ZC3H7A: variants seen among roughly 807,000 people sequenced by gnomAD.
ZC3H7A encodes the protein zinc finger CCCH-type containing 7A, also known as zinc finger CCCH domain-containing protein 7A.
A neutral mutation model predicts 125.5 loss-of-function variants in ZC3H7A; 44 were observed. The ratio of observed to expected loss-of-function variants is 0.35; its 90% CI spans 0.28 to 0.45. ZC3H7A has a LOEUF of 0.45. ZC3H7A is among the 20% of genes least tolerant of loss of function. The pLI is 1.00. For synonymous variants in ZC3H7A, 399 were observed against 391.2 expected, an observed-to-expected ratio of 1.02 and a Z score of -0.23; for missense variants, 977 against 1,170.7, an observed-to-expected ratio of 0.83 and a Z score of 2.41.
Position 11,763,565 on chromosome 16 carries a change from C to A in ZC3H7A, c.1915G>T (p.Val639Phe), listed in dbSNP as rs1320820050. ...QCQLDLCRHE[V>F]RYGCLREDEC... Reference sequence around the variant, plus strand: ...TCTTCCCTTAAACAGCCATACCGAACTTCATGTCGACATAAATCAAGCTGA... The same window carrying A: ...TCTTCCCTTAAACAGCCATACCGAAATTCATGTCGACATAAATCAAGCTGA... Residue 639 changes from valine to phenylalanine, a missense_variant, in exon 16 of 23, where the codon GTT becomes TTT. Around this residue, in one of 3 missense-constraint regions of ZC3H7A, gnomAD observed 436 missense variants for 603.2 expected, o/e 0.72. Coordinates refer to ENST00000355758, the MANE Select transcript of ZC3H7A (RefSeq NM_014153.4). 3.7e-6 allele frequency: 6 copies of A among 1,611,870 alleles called. No homozygotes were observed. The highest frequency in any genetic ancestry group is 5.1e-6 in the Non-Finnish European group (6 of 1,178,994).
At chr16:11,773,614 A>G (rs1314140725) in intron 9 of ZC3H7A, among the ~76,000 whole-genome samples, 1 of 151,812 alleles carries the variant, frequency 6.6e-6, no homozygotes, top group African/African-American at 2.4e-5. Context: ...CGGGCATGGT[A>G]GCTCACGCTT....
intron 1 of ZC3H7A, among the ~76,000 whole-genome samples, chr16:11,794,530 A>G (rs1005887550): frequency 6.6e-6 from 1 of 152,172 alleles, no homozygotes; most frequent in East Asian, 1.9e-4. Context: ...CTGGAGAAAA[A>G]TATTTTCACT....
intron 1 of ZC3H7A, 65 bp downstream of exon 1, chr16:11,797,059 C>CGGGGG (rs755431804): frequency 1.4e-5 from 2 of 143,468 alleles, no homozygotes; most frequent in East Asian, 4.3e-4. Context: ...GCGGCGCGCG[C>CGGGGG]GGGGGGGGCG....
At chr16:11,770,167 A>C (rs1194412351) in intron 10 of ZC3H7A, among the ~76,000 whole-genome samples, 1 of 152,042 alleles carries the variant, frequency 6.6e-6, no homozygotes, top group Non-Finnish European at 1.5e-5. Flanking sequence ...TCTTTAAGTC[A>C]ATCTTTAAGT....
chr16:11,781,446 T>C lies in ZC3H7A; in HGVS notation c.87A>G (p.Pro29=), dbSNP rs749471075. 13 of 1,607,430 alleles carry C rather than the reference T, an allele frequency of 8.1e-6. No homozygotes were observed. The highest frequency in any genetic ancestry group is 4.5e-5 in the East Asian group (2 of 44,840). Residue 29 remains proline, a synonymous_variant, in exon 3 of 23, where the codon CCA becomes CCG. Transcript: ENST00000355758. ...TTACCGCATATTGCTCCTGTGTTCCTGGATATGACAGCGGTGACCTAAGAA... is the reference window on the plus strand; with the variant it reads ...TTACCGCATATTGCTCCTGTGTTCCCGGATATGACAGCGGTGACCTAAGAA... ...LQFIQSPLSY[P]GTQEQYAVYL...
intron 10 of ZC3H7A, among the ~76,000 whole-genome samples, 181 bp downstream of exon 10, chr16:11,770,602 C>T (rs76360216): frequency 0.014 from 2,101 of 152,308 alleles, 27 homozygotes; most frequent in Non-Finnish European, 0.021. Flanking sequence ...TCCTGGGTCT[C>T]CAGAATGGCA....
At chr16:11,769,393 T>C (rs545662172) in intron 10 of ZC3H7A, among the ~76,000 whole-genome samples, 1 of 152,166 alleles carries the variant, frequency 6.6e-6, no homozygotes, top group East Asian at 1.9e-4. Flanking sequence ...TATTCAAAAA[T>C]GGGAAAAGAG....
intron 19 of ZC3H7A, among the ~76,000 whole-genome samples, chr16:11,760,731 C>T (rs1453782702): frequency 1.3e-5 from 2 of 152,180 alleles, no homozygotes; most frequent in African/African-American, 4.8e-5. Flanking sequence ...AGATGCTCTC[C>T]AGACCCTCTC....
At position 11,777,662 on chromosome 16, in the gene ZC3H7A, A is replaced by T. The variant is rs192606433; in HGVS notation, c.307-753T>A. 3.4e-3 allele frequency among the ~76,000 whole-genome samples: 521 copies of T among 152,200 alleles called. 3 individuals are homozygous for T. Among genetic ancestry groups the T allele is most frequent in the South Asian group, 0.021 (99 of 4,826 alleles). On this transcript the variant is annotated intron_variant, in intron 4 of 22. Coordinates refer to ENST00000355758, the MANE Select transcript of ZC3H7A (RefSeq NM_014153.4). ...CTTGAACCCAGGAGACAGAGGATAC[A>T]GTAAGCCGAGATTGTGCCACTGCAT...
intron 1 of ZC3H7A, chr16:11,796,135 G>A (rs1487680910): frequency 7.2e-5 from 11 of 152,248 alleles, no homozygotes; most frequent in Admixed American, 6.5e-4. Flanking sequence ...ATCCTGCCAA[G>A]ATTAATTTTA....
intron 4 of ZC3H7A, among the ~76,000 whole-genome samples, chr16:11,778,847 G>A (rs530613740): frequency 2.0e-5 from 3 of 152,188 alleles, no homozygotes; most frequent in African/African-American, 7.2e-5. Flanking sequence ...CCGGGCAGCT[G>A]GGACTACATG....
rs1365929086 is a variant in ZC3H7A at position 11,767,204 on chromosome 16, G to A, written c.1522+213C>T. ...TACAGTAGCCTCAGTATTCAGTACA[G>A]TAACAAACTGTACAAGTCTGTAGTT... On this transcript the variant is annotated intron_variant, in intron 13 of 22. Coordinates refer to ENST00000355758, the MANE Select transcript of ZC3H7A (RefSeq NM_014153.4). Among the ~76,000 whole-genome samples the A allele has an allele frequency of 4.6e-5, 7 of 152,102 alleles. No individual in the cohort carries two copies. In the East Asian group the frequency reaches 1.3e-3, roughly 29 times the overall value.
chr16:11,766,584 T>C (rs1024483322), intron 13 of ZC3H7A, among the ~76,000 whole-genome samples: 2 of 151,448 alleles, frequency 1.3e-5, no homozygotes, highest in Non-Finnish European at 2.9e-5. Context: ...GAGAAATAAA[T>C]AAATAAAATA....
intron 19 of ZC3H7A, chr16:11,759,556 T>C (rs1023890647): frequency 2.0e-5 from 3 of 152,190 alleles, no homozygotes; most frequent in African/African-American, 7.2e-5. Context: ...TACTTAGTCA[T>C]ATTACTAGGG....
chr16:11,778,763 G>A (rs1222459256), intron 4 of ZC3H7A, among the ~76,000 whole-genome samples: 1 of 151,914 alleles, frequency 6.6e-6, no homozygotes, highest in East Asian at 1.9e-4. Context: ...GCCCAGGCTG[G>A]AGTGCAGTGG....
intron 21 of ZC3H7A, chr16:11,753,102 G>A: frequency 2.6e-6 from 1 of 387,042 alleles, no homozygotes; most frequent in Non-Finnish European, 4.7e-6. Flanking sequence ...GGGAGAACAA[G>A]AGGCAGGTAC....
chr16:11,786,632 C>T (rs368079818), intron 1 of ZC3H7A, among the ~76,000 whole-genome samples: 8 of 152,244 alleles, frequency 5.3e-5, no homozygotes, highest in East Asian at 3.9e-4. Flanking sequence ...GCACAAAATA[C>T]ACCCCTTTAG....
chr16:11,779,401 A>C, intron 3 of ZC3H7A, 38 bp from the exon 4 acceptor site: 2 of 1,575,988 alleles, frequency 1.3e-6, no homozygotes, highest in Non-Finnish European at 1.7e-6. Flanking sequence ...GCCTTTTATC[A>C]AACAAGATAT....
chr16:11,782,745 G>A, intron 1 of ZC3H7A: 1 of 162,204 alleles, frequency 6.2e-6, no homozygotes, highest in Non-Finnish European at 1.3e-5. Flanking sequence ...CCTCCTGAGT[G>A]GCTGGGACTC....
Sources: gnomAD v4.1 joint callset for allele counts (sites outside exome capture counted in the v4.1 genomes callset) on GRCh38, gnomAD v4.1.1 for gene constraint, gnomAD v4.1.1 regional missense constraint, MANE v1.5 for transcripts, NCBI Gene and HGNC (gene_info 2026-07-23, HGNC 2026-07-21) for gene names.